Variants in GTPBP1 observed in about 807,000 individuals in gnomAD.
The protein encoded by GTPBP1 is GTP binding protein 1.
In GTPBP1, 23 loss-of-function variants were observed where a neutral mutation model predicts 62.0. That is an observed-to-expected ratio of 0.37 (90% confidence interval 0.27 to 0.53). The LOEUF is 0.53. GTPBP1 is among the 20% of genes least tolerant of loss of function. The pLI, the probability that GTPBP1 is intolerant of heterozygous loss-of-function variation, is 0.89. For synonymous variants in GTPBP1, 344 were observed against 364.4 expected, an observed-to-expected ratio of 0.94 and a Z score of 0.64; for missense variants, 640 against 917.3, an observed-to-expected ratio of 0.70 and a Z score of 3.90.
At position 38,724,440 on chromosome 22, in the gene GTPBP1, C is replaced by T. The variant is rs1278235570; in HGVS notation, c.1073+29C>T. 4 of 1,318,514 alleles carry T rather than the reference C, an allele frequency of 3.0e-6. No homozygotes were observed. The African/African-American group carries it at 5.8e-5, about 19-fold the overall frequency. 81.7% of individuals were successfully genotyped at this position (1,318,514 alleles called of 1,614,324 possible). A position where few individuals can be genotyped will look rare whatever the true frequency, so the allele number is the denominator to read the frequency against. The stretch of plus-strand genomic sequence containing the variant: ...ACGCGTGGGGAGCGCACACTTCAGA[C>T]AGGCACCCTTGCAGGCAGGACCACA... On this transcript the variant is annotated intron_variant, in intron 6 of 11. Coordinates refer to ENST00000216044, the MANE Select transcript of GTPBP1 (RefSeq NM_004286.5).
In GTPBP1 at chr22:38,706,047, C is replaced by A; in HGVS notation, c.92C>A (p.Ala31Asp). Residue 31 changes from alanine to aspartate, a missense_variant, in exon 1 of 12, where the codon GCC (alanine) becomes GAC (aspartate). By Grantham distance (126) the Ala-to-Asp change is moderately radical. Transcript: ENST00000216044. Reference protein sequence around the residue: ...PEPSSPGAARAAAAAARLHGG... With the variant: ...PEPSSPGAARDAAAAARLHGG... ...CCCAGCTCCCCGGGGGCGGCCAGGG[C>A]CGCGGCGGCCGCCGCCCGACTCCAC... The A allele has an allele frequency of 7.3e-7, 1 of 1,372,294 alleles. No homozygotes were observed. The highest frequency in any genetic ancestry group is 1.6e-5 in the South Asian group (1 of 64,090). 85.0% of individuals were successfully genotyped at this position (1,372,294 alleles called of 1,614,324 possible).
downstream of GTPBP1, chr22:38,740,329 G>A: frequency 3.8e-6 from 6 of 1,599,878 alleles, no homozygotes; most frequent in Non-Finnish European, 5.1e-6. This position sits in a 1 kb window ranked among gnomAD's most constrained non-coding sequence, Gnocchi z 4.8. Flanking sequence ...ACCGAGCTCT[G>A]CTTCAGTGCC....
At chr22:38,722,906 G>T (rs879012801) in intron 5 of GTPBP1, 19 of 1,181,918 alleles carry the variant, frequency 1.6e-5, no homozygotes, top group Non-Finnish European at 2.4e-5. Context: ...CCACTGGGAG[G>T]TCATTGACGC....
At chr22:38,724,722 G>A (rs1038935215) in intron 6 of GTPBP1, among the ~76,000 whole-genome samples, 2 of 152,280 alleles carry the variant, frequency 1.3e-5, no homozygotes, top group Non-Finnish European at 2.9e-5. Context: ...TCCCTTCCCT[G>A]TAGGGCTCCC....
At chr22:38,738,481 C>T, downstream of GTPBP1, 3 of 1,458,418 alleles carry the variant, frequency 2.1e-6, no homozygotes, top group Non-Finnish European at 2.8e-6. This position sits in a 1 kb window ranked among gnomAD's most constrained non-coding sequence, Gnocchi z 6.6. Flanking sequence ...TCCAAATCCA[C>T]TCCCCTCCCT....
At position 38,722,304 on chromosome 22, in the gene GTPBP1, C is replaced by G. The variant is rs571566366; in HGVS notation, c.958+439C>G. Among the ~76,000 whole-genome samples, 36 of 152,290 alleles carry G rather than the reference C, an allele frequency of 2.4e-4. No homozygotes were observed. The South Asian group carries it at 6.6e-3, about 28-fold the overall frequency. Reference sequence around the variant, plus strand: ...TCATTGCAGGAGTTAAATTTGACTGCTGATAACAATTGAAAGCTGTGATCT... The same window carrying G: ...TCATTGCAGGAGTTAAATTTGACTGGTGATAACAATTGAAAGCTGTGATCT... On this transcript the variant is annotated intron_variant, in intron 5 of 11. Coordinates refer to ENST00000216044, the MANE Select transcript of GTPBP1 (RefSeq NM_004286.5).
chr22:38,717,710 T>G (rs968651964), intron 4 of GTPBP1, among the ~76,000 whole-genome samples: 7 of 152,238 alleles, frequency 4.6e-5, no homozygotes, highest in African/African-American at 1.7e-4. Context: ...GGCTCTGTGT[T>G]GGATCTCATT....
downstream of GTPBP1, among the ~76,000 whole-genome samples, chr22:38,742,053 G>T (rs979744506): frequency 7.2e-5 from 11 of 151,800 alleles, no homozygotes; most frequent in East Asian, 2.1e-3. Flanking sequence ...TGAGGCAAGA[G>T]AATCGCTTGA....
chr22:38,709,037 C>T, intron 2 of GTPBP1, 81 bp downstream of exon 2: 1 of 812,022 alleles, frequency 1.2e-6, no homozygotes, highest in Non-Finnish European at 2.1e-6. Flanking sequence ...AATCCCAGCA[C>T]TTTGGGAGGC....
Position 38,721,848 on chromosome 22 carries a change from C to T in GTPBP1, c.941C>T (p.Pro314Leu). 6.3e-7 allele frequency: 1 copy of T among 1,597,878 alleles called. No individual in the cohort carries two copies. The highest frequency in any genetic ancestry group is 8.6e-7 in the Non-Finnish European group (1 of 1,168,108). ...GTAGTCACCAAGATTGACATGTGTC[C>T]TGCCAACATCCTGCAAGGTAAGTGA... ...FVVVTKIDMC[P>L]ANILQETLKL... The change falls in exon 5 of 12, where the codon CCT becomes CTT. Residue 314 changes from proline to leucine, a missense_variant. Pro to Leu is a moderately conservative substitution (Grantham distance 98, BLOSUM62 -3). Coordinates refer to ENST00000216044, the MANE Select transcript of GTPBP1 (RefSeq NM_004286.5).
At chr22:38,740,411 C>T (rs759508569), downstream of GTPBP1, 4 of 1,553,212 alleles carry the variant, frequency 2.6e-6, no homozygotes, top group Admixed American at 7.7e-5. This position sits in a 1 kb window ranked among gnomAD's most constrained non-coding sequence, Gnocchi z 4.8. Context: ...CAGAGCTCTC[C>T]TGGAAGGACT....
chr22:38,738,400 CCA>C (rs542070070), downstream of GTPBP1: 149 of 1,092,890 alleles, frequency 1.4e-4, no homozygotes, highest in South Asian at 2.1e-3. The surrounding 1 kb of genome is among the most constrained non-coding windows in gnomAD (Gnocchi z 6.6). Flanking sequence ...CTCTCTTGTG[CCA>C]CAGTTTCTGC....
At chr22:38,737,810 C>T, downstream of GTPBP1, 2 of 462,944 alleles carry the variant, frequency 4.3e-6, no homozygotes, top group Non-Finnish European at 8.6e-6. This position sits in a 1 kb window ranked among gnomAD's most constrained non-coding sequence, Gnocchi z 4.1. Flanking sequence ...CATGCACTGC[C>T]TGAGGCTCCA....
downstream of GTPBP1, chr22:38,737,865 G>A (rs1034270057): frequency 1.1e-4 from 66 of 579,958 alleles, 3 homozygotes; most frequent in South Asian, 8.9e-4. The surrounding 1 kb of genome is among the most constrained non-coding windows in gnomAD (Gnocchi z 4.1). Context: ...TGCTGGCGGC[G>A]GCTCCTCGAA....
At chr22:38,736,201 G>A (rs146692436), downstream of GTPBP1, 1,033 of 1,454,652 alleles carry the variant, frequency 7.1e-4, 1 homozygote, top group Non-Finnish European at 8.6e-4. Context: ...GCAAGCGTGT[G>A]GGGGAAGCGG....
chr22:38,738,452 C>A, downstream of GTPBP1: 1 of 1,281,878 alleles, frequency 7.8e-7, no homozygotes, highest in Non-Finnish European at 1.1e-6. The surrounding 1 kb of genome is among the most constrained non-coding windows in gnomAD (Gnocchi z 6.6). Flanking sequence ...GTGCTGTCTC[C>A]CACCCTAGCT....
chr22:38,736,420 G>A, downstream of GTPBP1: 2 of 1,531,642 alleles, frequency 1.3e-6, no homozygotes, highest in Non-Finnish European at 1.8e-6. Flanking sequence ...TCAGAGACCT[G>A]TGAGGCCTCA....
downstream of GTPBP1, chr22:38,741,565 G>T (rs1225276834): frequency 1.3e-5 from 21 of 1,613,936 alleles, no homozygotes; most frequent in Middle Eastern, 1.6e-4. Context: ...AGGGCAGACA[G>T]TTCTTCCTGT....
At chr22:38,742,503 G>A (rs767225986), downstream of GTPBP1, 1 of 1,613,438 alleles carries the variant, frequency 6.2e-7, no homozygotes, top group East Asian at 2.2e-5. Context: ...AGCAGCAAGA[G>A]CTTCCAGACG....
Sources: allele counts gnomAD v4.1 joint callset (sites outside exome capture counted in the v4.1 genomes callset), GRCh38; gene constraint gnomAD v4.1.1; non-coding constraint Gnocchi (gnomAD v3.1); transcripts MANE v1.5; gene names NCBI Gene and HGNC (gene_info 2026-07-23, HGNC 2026-07-21).